The following PTPRD variants were observed in gnomAD, a reference collection of about 807,000 sequenced individuals.
PTPRD encodes protein tyrosine phosphatase receptor type D, also known as receptor-type tyrosine-protein phosphatase delta.
Under a neutral mutation model 214.5 loss-of-function variants are expected in PTPRD, and 34 were observed. The observed-to-expected ratio is 0.16, with a 90% CI of 0.12 to 0.21. PTPRD has a LOEUF of 0.21. Ranked by LOEUF, PTPRD falls within the 10% of genes least tolerant of loss-of-function variation. PTPRD has a pLI of 1.00. For missense variants in PTPRD, 2,545 were observed against 2,398.7 expected (o/e 1.06, Z -1.27); for synonymous variants, 1,128 against 845.7 (o/e 1.33, Z -5.79).
intron 3 of PTPRD, among the ~76,000 whole-genome samples, chr9:10,309,024 T>C (rs2096182548): frequency 6.6e-6 from 1 of 152,072 alleles, no homozygotes; most frequent in Non-Finnish European, 1.5e-5. Context: ...TATTTTGATA[T>C]ATAAAGCCAA....
chr9:10,452,297 T>C (rs1292145833), intron 2 of PTPRD, among the ~76,000 whole-genome samples: 3 of 151,914 alleles, frequency 2.0e-5, no homozygotes, highest in Admixed American at 6.6e-5. Flanking sequence ...GGTACAGACA[T>C]ATTTTTAAGA....
Position 9,239,964 on chromosome 9 carries a change from T to C in PTPRD, c.-202-56601A>G, listed in dbSNP as rs114268745. Among the ~76,000 whole-genome samples the C allele has an allele frequency of 6.7e-3, 1,023 of 152,168 alleles. 10 individuals are homozygous for C. The highest frequency in any genetic ancestry group is 0.023 in the African/African-American group (954 of 41,508). The stretch of plus-strand genomic sequence containing the variant: ...TTGAGGACCATAACTATGTTCAGAG[T>C]CTCAGAGGCCTTGGTTAAGACAAGG... On this transcript the variant is annotated intron_variant, in intron 9 of 45. Coordinates refer to ENST00000381196, the MANE Select transcript of PTPRD (RefSeq NM_002839.4).
chr9:9,996,974 G>C (rs751656680), intron 4 of PTPRD, among the ~76,000 whole-genome samples: 5 of 152,124 alleles, frequency 3.3e-5, no homozygotes, highest in Admixed American at 6.5e-5. Flanking sequence ...CTGTATACAG[G>C]AAAAAGAGCA....
At chr9:8,673,889 G>A (rs111669973) in intron 12 of PTPRD, among the ~76,000 whole-genome samples, 3,486 of 152,122 alleles carry the variant, frequency 0.023, 121 homozygotes, top group African/African-American at 0.079. Context: ...ATGTTCAGCA[G>A]CACCCCTGAC....
At chr9:9,218,747 T>C (rs1321154030) in intron 9 of PTPRD, among the ~76,000 whole-genome samples, 1 of 152,084 alleles carries the variant, frequency 6.6e-6, no homozygotes, top group Non-Finnish European at 1.5e-5. Flanking sequence ...ATTATTCTTC[T>C]AGTATGAGAA....
At chr9:10,423,580 G>A (rs2098575636) in intron 2 of PTPRD, among the ~76,000 whole-genome samples, 1 of 151,884 alleles carries the variant, frequency 6.6e-6, no homozygotes, top group Non-Finnish European at 1.5e-5. Context: ...CTCCGAGACA[G>A]TGCCAGTGGC....
At chr9:9,615,158 C>T (rs1371571760) in intron 7 of PTPRD, among the ~76,000 whole-genome samples, 1 of 152,144 alleles carries the variant, frequency 6.6e-6, no homozygotes, top group Non-Finnish European at 1.5e-5. Flanking sequence ...CCACAGACAC[C>T]TTGGACTCCC....
At chr9:9,318,767 T>C (rs1390592555) in intron 9 of PTPRD, among the ~76,000 whole-genome samples, 2 of 152,168 alleles carry the variant, frequency 1.3e-5, no homozygotes, top group African/African-American at 4.8e-5. Flanking sequence ...TATCATAATA[T>C]AATATTATGG....
rs189717196 is a variant in PTPRD, at chr9:9,084,278, C to A, written c.-142-65543G>T. ...GGACATGGATGAAGCTAGAAACCAT[C>A]ATTCTCAGCAAACTAATACAGGAAC... On this transcript the variant is annotated intron_variant, in intron 10 of 45. Coordinates refer to ENST00000381196, the MANE Select transcript of PTPRD (RefSeq NM_002839.4). Among the ~76,000 whole-genome samples the A allele has an allele frequency of 3.9e-5, 6 of 152,252 alleles. No homozygotes were observed. The East Asian group carries it at 1.2e-3, about 29-fold the overall frequency.
At chr9:9,366,728 A>C (rs1329338815) in intron 9 of PTPRD, among the ~76,000 whole-genome samples, 1 of 151,586 alleles carries the variant, frequency 6.6e-6, no homozygotes, top group Admixed American at 6.6e-5. Flanking sequence ...AATCATTAAG[A>C]ATATGGAAAA....
At chr9:10,503,286 G>A (rs1049846301) in intron 2 of PTPRD, among the ~76,000 whole-genome samples, 2 of 149,296 alleles carry the variant, frequency 1.3e-5, no homozygotes, top group East Asian at 3.9e-4. Context: ...TCACTTTGTC[G>A]TGATCATCAA....
chr9:8,680,524 A>T (rs2097530905), intron 12 of PTPRD, among the ~76,000 whole-genome samples: 1 of 152,188 alleles, frequency 6.6e-6, no homozygotes, highest in Non-Finnish European at 1.5e-5. Context: ...GAACCTAGTA[A>T]ATTCAATAGC....
chr9:8,773,749 G>C (rs539472193), intron 11 of PTPRD, among the ~76,000 whole-genome samples: 1 of 152,254 alleles, frequency 6.6e-6, no homozygotes, highest in South Asian at 2.1e-4. Context: ...CTAATCTTGT[G>C]ACTTGTTTAC....
intron 8 of PTPRD, among the ~76,000 whole-genome samples, chr9:9,438,643 C>T (rs930677685): frequency 1.3e-5 from 2 of 152,100 alleles, no homozygotes; most frequent in Non-Finnish European, 2.9e-5. Context: ...AAAATGATTG[C>T]TAATTATTCA....
chr9:9,806,909 T>A (rs2045632906), intron 5 of PTPRD, among the ~76,000 whole-genome samples: 1 of 151,920 alleles, frequency 6.6e-6, no homozygotes, highest in Non-Finnish European at 1.5e-5. Context: ...TTGTGGCCCC[T>A]CCCAAGTGCT....
intron 11 of PTPRD, among the ~76,000 whole-genome samples, chr9:8,910,207 T>G (rs1241207325): frequency 6.6e-6 from 1 of 151,686 alleles, no homozygotes; most frequent in Non-Finnish European, 1.5e-5. Context: ...CCTAGCTAGT[T>G]TTTGTATTTT....
At chr9:9,047,232 C>A (rs529111537) in intron 10 of PTPRD, among the ~76,000 whole-genome samples, 10 of 151,878 alleles carry the variant, frequency 6.6e-5, no homozygotes, top group Non-Finnish European at 1.2e-4. Flanking sequence ...AACTATAAAA[C>A]ACTGATGAAA....
At chr9:10,126,401 T>C (rs1318165815) in intron 3 of PTPRD, among the ~76,000 whole-genome samples, 1 of 150,670 alleles carries the variant, frequency 6.6e-6, no homozygotes, top group African/African-American at 2.4e-5. Context: ...GAAATTTGAT[T>C]CCTTAAATAA....
intron 10 of PTPRD, among the ~76,000 whole-genome samples, chr9:9,076,558 T>C (rs2099751531): frequency 1.3e-5 from 2 of 152,106 alleles, no homozygotes; most frequent in Non-Finnish European, 2.9e-5. Flanking sequence ...AATGTTCGTC[T>C]TTCTGTGCCT....
Sources: gnomAD v4.1 joint callset for allele counts (sites outside exome capture counted in the v4.1 genomes callset) on GRCh38, gnomAD v4.1.1 for gene constraint, MANE v1.5 for transcripts, NCBI Gene and HGNC (gene_info 2026-07-23, HGNC 2026-07-21) for gene names.